CALN1: variants seen among roughly 807,000 people sequenced by gnomAD.
CALN1 encodes calneuron 1.
CALN1 carries 17 observed loss-of-function variants against 30.6 expected under a neutral mutation model. The observed-to-expected ratio is 0.56, with a 90% CI of 0.38 to 0.83. The LOEUF (loss-of-function observed/expected upper bound fraction) is 0.83. CALN1 is among the 40% of genes least tolerant of loss of function. The pLI, the probability that CALN1 is intolerant of heterozygous loss-of-function variation, is 0.00. For missense variants in CALN1, 291 were observed against 354.9 expected, an observed-to-expected ratio of 0.82 and a Z score of 1.45; for synonymous variants, 156 against 131.4, an observed-to-expected ratio of 1.19 and a Z score of -1.28.
chr7:71,942,826 C>A (rs112824445), intron 5 of CALN1, among the ~76,000 whole-genome samples: 4,415 of 152,234 alleles, frequency 0.029, 108 homozygotes, highest in South Asian at 0.073. Flanking sequence ...TTAGGGCAAA[C>A]CTGCCTCCCA....
the CALN1 span, among the ~76,000 whole-genome samples, chr7:72,500,222 C>A: frequency 7.5e-6 from 1 of 134,108 alleles, no homozygotes; most frequent in East Asian, 2.7e-4. Context: ...TCAGCTGAAA[C>A]TTTCTGTGTC....
intron 2 of CALN1, among the ~76,000 whole-genome samples, chr7:72,382,176 C>G (rs1347888937): frequency 7.9e-5 from 12 of 152,168 alleles, no homozygotes. Context: ...CTGATGGGAG[C>G]ACTGTCCGTG....
intron 2 of CALN1, among the ~76,000 whole-genome samples, chr7:72,324,931 T>C (rs1801164981): frequency 6.6e-6 from 1 of 152,206 alleles, no homozygotes; most frequent in African/African-American, 2.4e-5. Flanking sequence ...TCCAGGGAGT[T>C]CTGTGCTGGG....
At chr7:72,203,597 T>G (rs1451206831) in intron 3 of CALN1, among the ~76,000 whole-genome samples, 1 of 152,112 alleles carries the variant, frequency 6.6e-6, no homozygotes, top group East Asian at 1.9e-4. Flanking sequence ...ACTACTACAG[T>G]CCACACCAAG....
intron 3 of CALN1, among the ~76,000 whole-genome samples, chr7:72,271,689 G>A (rs1433291011): frequency 1.3e-5 from 2 of 149,974 alleles, no homozygotes; most frequent in Admixed American, 6.7e-5. Flanking sequence ...AACGACATGG[G>A]TACCAAGGCA....
intron 5 of CALN1, among the ~76,000 whole-genome samples, chr7:71,840,660 C>T (rs1789887786): frequency 1.3e-5 from 2 of 151,954 alleles, no homozygotes; most frequent in Admixed American, 6.6e-5. Flanking sequence ...TTGATTGAAC[C>T]GCTCAGAGCA....
intron 3 of CALN1, among the ~76,000 whole-genome samples, chr7:72,121,313 G>T (rs1179775067): frequency 7.1e-6 from 1 of 140,464 alleles, no homozygotes; most frequent in African/African-American, 2.6e-5. Context: ...TAAATTAAGT[G>T]AATATATAAA....
intron 5 of CALN1, among the ~76,000 whole-genome samples, chr7:72,005,932 T>A (rs576258516): frequency 6.6e-6 from 1 of 152,326 alleles, no homozygotes; most frequent in African/African-American, 2.4e-5. Context: ...GTCAACACAC[T>A]TTCACATGTG....
At chr7:72,314,406 C>T (rs28567468) in intron 2 of CALN1, among the ~76,000 whole-genome samples, 21 of 96,834 alleles carry the variant, frequency 2.2e-4, no homozygotes, top group East Asian at 9.6e-4. Context: ...CACATATATA[C>T]ACATATATAT....
At chr7:72,302,378 T>G (rs1467951989) in intron 2 of CALN1, among the ~76,000 whole-genome samples, 1 of 152,144 alleles carries the variant, frequency 6.6e-6, no homozygotes, top group Admixed American at 6.5e-5. Context: ...ATGCTGACAT[T>G]AAACTGCACA....
intron 5 of CALN1, among the ~76,000 whole-genome samples, chr7:71,907,268 A>ACACACAC (rs1562889797): frequency 1.3e-5 from 2 of 151,736 alleles, no homozygotes; most frequent in African/African-American, 2.4e-5. Context: ...ACACACACAC[A>ACACACAC]ACTTAAGGAA....
chr7:72,487,744 A>AGGAAGGAAGGAAGGAAGGAAG, the CALN1 span, among the ~76,000 whole-genome samples: 1 of 124,770 alleles, frequency 8.0e-6, no homozygotes, highest in African/African-American at 3.5e-5. Flanking sequence ...AAAGGAAGGA[A>AGGAAGGAAGGAAGGAAGGAAG]GGAAGGAAGG....
chr7:72,376,733 C>T (rs1804580655), intron 2 of CALN1, among the ~76,000 whole-genome samples: 1 of 152,074 alleles, frequency 6.6e-6, no homozygotes. Context: ...TTATCTATTT[C>T]TTATTTTGTT....
At chr7:71,830,021 A>G (rs1304760395) in intron 5 of CALN1, among the ~76,000 whole-genome samples, 1 of 144,904 alleles carries the variant, frequency 6.9e-6, no homozygotes, top group African/African-American at 2.5e-5. Context: ...GTATGTGTGC[A>G]TGAGTAAGTT....
intron 2 of CALN1, among the ~76,000 whole-genome samples, chr7:72,296,705 G>A (rs1163955948): frequency 2.0e-5 from 3 of 147,194 alleles, no homozygotes; most frequent in Non-Finnish European, 4.5e-5. Context: ...GATCGGTGGT[G>A]ATATCCCCTT....
intron 4 of CALN1, among the ~76,000 whole-genome samples, chr7:72,081,379 C>G (rs1284305899): frequency 2.9e-5 from 2 of 68,384 alleles, no homozygotes; most frequent in Non-Finnish European, 6.0e-5. Flanking sequence ...ACAATGAGAA[C>G]AGTTGGCATA....
At chr7:72,301,108 G>C (rs1467819257) in intron 2 of CALN1, among the ~76,000 whole-genome samples, 1 of 152,164 alleles carries the variant, frequency 6.6e-6, no homozygotes, top group African/African-American at 2.4e-5. Flanking sequence ...CTTTACAGAC[G>C]TAATTGGGCA....
chr7:72,265,088 T>C (rs1307664927), intron 3 of CALN1, among the ~76,000 whole-genome samples: 1 of 152,196 alleles, frequency 6.6e-6, no homozygotes, highest in African/African-American at 2.4e-5. Flanking sequence ...CCCAAAGTGC[T>C]GGGATGACAG....
chr7:72,391,297 G>A (rs1805563309), intron 2 of CALN1, among the ~76,000 whole-genome samples: 3 of 152,150 alleles, frequency 2.0e-5, no homozygotes, highest in Admixed American at 6.5e-5. Flanking sequence ...AAAATGTTAA[G>A]AGATAAACAC....
Sources: allele counts gnomAD v4.1 joint callset (sites outside exome capture counted in the v4.1 genomes callset), GRCh38; gene constraint gnomAD v4.1.1; transcripts MANE v1.5; gene names NCBI Gene and HGNC (gene_info 2026-07-23, HGNC 2026-07-21).